The following SLC10A7 variants were observed in gnomAD, a reference collection of about 807,000 sequenced individuals.
SLC10A7 encodes sodium/bile acid cotransporter 7.
In SLC10A7, 29 loss-of-function variants were observed where a neutral mutation model predicts 43.2. The observed-to-expected ratio is 0.67, with a 90% CI of 0.50 to 0.92. The LOEUF (loss-of-function observed/expected upper bound fraction) is 0.92, where lower values mean the gene tolerates loss of function less well. SLC10A7 is among the 40% of genes least tolerant of loss of function. SLC10A7 has a pLI of 0.00. For synonymous variants in SLC10A7, 152 were observed against 144.8 expected, an observed-to-expected ratio of 1.05 and a Z score of -0.35; for missense variants, 295 against 403.2, an observed-to-expected ratio of 0.73 and a Z score of 2.30.
intron 5 of SLC10A7, among the ~76,000 whole-genome samples, chr4:146,389,665 C>T (rs1416442901): frequency 6.6e-6 from 1 of 152,178 alleles, no homozygotes; most frequent in African/African-American, 2.4e-5. Flanking sequence ...CTTAGCACAA[C>T]ATAGTGTCTT....
chr4:146,356,589 A>ACT (rs1305990700), intron 5 of SLC10A7, among the ~76,000 whole-genome samples: 1 of 151,616 alleles, frequency 6.6e-6, no homozygotes, highest in Non-Finnish European at 1.5e-5. Flanking sequence ...ACACACACAC[A>ACT]CACTCCCCAT....
intron 7 of SLC10A7, among the ~76,000 whole-genome samples, chr4:146,302,390 G>A (rs770428042): frequency 2.0e-5 from 3 of 152,154 alleles, no homozygotes; most frequent in Non-Finnish European, 2.9e-5. Context: ...CCTATGGTCT[G>A]GGAATGTAAT....
intron 5 of SLC10A7, among the ~76,000 whole-genome samples, chr4:146,370,541 G>GGAGGCACTTAAGGTCAAATCAGATTGTC (rs1736697261): frequency 6.6e-6 from 1 of 152,114 alleles, no homozygotes; most frequent in Non-Finnish European, 1.5e-5. Flanking sequence ...AGCAGATTGG[G>GGAGGCACTTAAGGTCAAATCAGATTGTC]GAGGCACTTA....
intron 4 of SLC10A7, among the ~76,000 whole-genome samples, chr4:146,488,554 C>T (rs1487312315): frequency 6.6e-6 from 1 of 152,110 alleles, no homozygotes; most frequent in Non-Finnish European, 1.5e-5. Context: ...TTTTGTTTTT[C>T]ATCAATAGAT....
Position 146,456,697 on chromosome 4 carries a change from G to A in SLC10A7, c.397-13876C>T, listed in dbSNP as rs891252263. 2.6e-5 allele frequency among the ~76,000 whole-genome samples: 4 copies of A among 151,880 alleles called. No homozygotes were observed. In the East Asian group the frequency reaches 5.8e-4, roughly 22 times the overall value. On this transcript the variant is annotated intron_variant, in intron 4 of 11. Transcript: ENST00000335472. Reference sequence around the variant, plus strand: ...TGCTCACAAACCAAGAGGCAACACCGAGTTTTAATTGGTGTCTCATTATGT... The same window carrying A: ...TGCTCACAAACCAAGAGGCAACACCAAGTTTTAATTGGTGTCTCATTATGT...
intron 4 of SLC10A7, among the ~76,000 whole-genome samples, chr4:146,452,195 C>T (rs983092901): frequency 6.6e-6 from 1 of 152,008 alleles, no homozygotes; most frequent in Non-Finnish European, 1.5e-5. Context: ...ATCTCTTGTT[C>T]CTATTGCATA....
chr4:146,488,682 T>C (rs936188926), intron 4 of SLC10A7, among the ~76,000 whole-genome samples: 3 of 152,216 alleles, frequency 2.0e-5, no homozygotes, highest in Non-Finnish European at 2.9e-5. Context: ...TTCCAGGCAT[T>C]ATGCCAGCTA....
intron 4 of SLC10A7, among the ~76,000 whole-genome samples, chr4:146,496,753 T>C (rs1735935928): frequency 6.6e-6 from 1 of 152,248 alleles, no homozygotes; most frequent in African/African-American, 2.4e-5. Flanking sequence ...ATCACCCATG[T>C]CACCAAAAAC....
At chr4:146,460,244 G>C (rs1230289242) in intron 4 of SLC10A7, among the ~76,000 whole-genome samples, 1 of 151,936 alleles carries the variant, frequency 6.6e-6, no homozygotes, top group East Asian at 1.9e-4. Flanking sequence ...TGCTGGTATA[G>C]ATTGCAAATG....
intron 5 of SLC10A7, among the ~76,000 whole-genome samples, chr4:146,343,453 A>T (rs1253387783): frequency 6.6e-6 from 1 of 152,108 alleles, no homozygotes; most frequent in African/African-American, 2.4e-5. Context: ...TATGAGTGAC[A>T]CATCTCAAAG....
At chr4:146,346,186 G>A (rs1734610261) in intron 5 of SLC10A7, among the ~76,000 whole-genome samples, 1 of 152,072 alleles carries the variant, frequency 6.6e-6, no homozygotes, top group Non-Finnish European at 1.5e-5. Context: ...GGAAGCTAAG[G>A]TACAAACTGA....
chr4:146,377,495 C>T (rs550426615), intron 5 of SLC10A7, among the ~76,000 whole-genome samples: 1 of 152,318 alleles, frequency 6.6e-6, no homozygotes, highest in East Asian at 1.9e-4. Context: ...CTGCATGCTC[C>T]TCCTCCCGCA....
At chr4:146,357,237 A>C (rs1031210805) in intron 5 of SLC10A7, among the ~76,000 whole-genome samples, 1 of 152,216 alleles carries the variant, frequency 6.6e-6, no homozygotes, top group Non-Finnish European at 1.5e-5. Flanking sequence ...CAATAATGTA[A>C]AGCAGGTAAC....
intron 5 of SLC10A7, among the ~76,000 whole-genome samples, chr4:146,369,096 A>G (rs573615158): frequency 1.2e-4 from 19 of 152,264 alleles, no homozygotes; most frequent in African/African-American, 3.6e-4. Flanking sequence ...AAAAATGAGA[A>G]AGCAAGCCAC....
intron 10 of SLC10A7, among the ~76,000 whole-genome samples, chr4:146,272,679 T>C (rs777854723): frequency 2.0e-5 from 3 of 152,162 alleles, no homozygotes; most frequent in African/African-American, 4.8e-5. Flanking sequence ...CGATCTCTGT[T>C]TGCAAGTTGA....
intron 1 of SLC10A7, among the ~76,000 whole-genome samples, chr4:146,519,920 G>C (rs1738459358): frequency 6.6e-6 from 1 of 152,104 alleles, no homozygotes; most frequent in Non-Finnish European, 1.5e-5. Context: ...GTGGAAATGG[G>C]AAATGGCATT....
At chr4:146,453,035 G>GTGTATA (rs1378300074) in intron 4 of SLC10A7, among the ~76,000 whole-genome samples, 9 of 149,752 alleles carry the variant, frequency 6.0e-5, no homozygotes, top group African/African-American at 2.2e-4. Flanking sequence ...GTGTGTGTGT[G>GTGTATA]TATATATATA....
At chr4:146,405,649 T>C (rs1285965740) in intron 5 of SLC10A7, among the ~76,000 whole-genome samples, 4 of 152,198 alleles carry the variant, frequency 2.6e-5, no homozygotes, top group Admixed American at 6.5e-5. Flanking sequence ...TTTTTATCTA[T>C]CTATCTGCCT....
chr4:146,305,515 G>T (rs1383455448), intron 7 of SLC10A7, among the ~76,000 whole-genome samples: 1 of 150,682 alleles, frequency 6.6e-6, no homozygotes, highest in Non-Finnish European at 1.5e-5. Flanking sequence ...CATGGCACAT[G>T]TATACATATG....
Sources: gnomAD v4.1 joint callset for allele counts (sites outside exome capture counted in the v4.1 genomes callset) on GRCh38, gnomAD v4.1.1 for gene constraint, MANE v1.5 for transcripts, NCBI Gene and HGNC (gene_info 2026-07-23, HGNC 2026-07-21) for gene names.